Variants in RBPJ observed in about 807,000 individuals in gnomAD.
The protein encoded by RBPJ is recombining binding protein suppressor of hairless.
In RBPJ, 9 loss-of-function variants were observed where a neutral mutation model predicts 67.8. The observed-to-expected ratio is 0.13, with a 90% CI of 0.08 to 0.23. RBPJ has a LOEUF of 0.23. Among genes scored for constraint, RBPJ ranks in the 10% least tolerant of loss-of-function variants. The pLI is 1.00. For synonymous variants in RBPJ, 198 were observed against 203.3 expected (o/e 0.97, Z 0.22); for missense variants, 305 against 595.6 (o/e 0.51, Z 5.08).
chr4:26,364,781 A>G (rs1479530587), intron 1 of RBPJ, among the ~76,000 whole-genome samples: 1 of 151,812 alleles, frequency 6.6e-6, no homozygotes, highest in South Asian at 2.1e-4. Context: ...GCGAGCCACC[A>G]TGCCCAGCTA....
the RBPJ span, among the ~76,000 whole-genome samples, chr4:26,114,743 G>A: frequency 6.6e-6 from 1 of 151,942 alleles, no homozygotes; most frequent in Admixed American, 6.6e-5. Flanking sequence ...ATATATATGG[G>A]TGTATATGTA....
At chr4:26,111,187 G>T in the RBPJ span, among the ~76,000 whole-genome samples, 2 of 150,126 alleles carry the variant, frequency 1.3e-5, no homozygotes, top group African/African-American at 4.9e-5. Flanking sequence ...GTCAGAGAAA[G>T]GTGATTGGCC....
chr4:26,123,127 T>C, the RBPJ span, among the ~76,000 whole-genome samples: 1 of 152,166 alleles, frequency 6.6e-6, no homozygotes, highest in African/African-American at 2.4e-5. Flanking sequence ...TGTACTTATA[T>C]ACTAGTGTAC....
intron 1 of RBPJ, among the ~76,000 whole-genome samples, chr4:26,348,111 G>A (rs763207054): frequency 1.8e-4 from 28 of 151,944 alleles, no homozygotes; most frequent in Admixed American, 5.2e-4. Flanking sequence ...ACAGGCACAC[G>A]CTACCACGCC....
chr4:26,215,347 GA>G (rs746160310), intron 1 of RBPJ, among the ~76,000 whole-genome samples: 50,092 of 81,774 alleles, frequency 0.61, 16,100 homozygotes, highest in East Asian at 0.82. Flanking sequence ...GAGAAAGAAA[GA>G]AAAAAAGAAG....
chr4:26,224,795 T>C (rs1032292947), intron 1 of RBPJ, among the ~76,000 whole-genome samples: 23 of 152,186 alleles, frequency 1.5e-4, no homozygotes, highest in African/African-American at 4.8e-4. Flanking sequence ...GCTCAGTAAA[T>C]TGACAAACAG....
intron 1 of RBPJ, among the ~76,000 whole-genome samples, chr4:26,277,763 A>G (rs1721132280): frequency 6.6e-6 from 1 of 152,176 alleles, no homozygotes; most frequent in Non-Finnish European, 1.5e-5. Context: ...TCATGAGAGA[A>G]ATGCTCTCCT....
rs573843025 is a variant in RBPJ at position 26,383,804 on chromosome 4, T to C, written c.21-2549T>C. The C allele has an allele frequency of 3.3e-5, 5 of 152,354 alleles. No homozygotes were observed. The East Asian group carries it at 7.7e-4, about 23-fold the overall frequency. 9.4% of individuals were successfully genotyped at this position (152,354 alleles called of 1,614,324 possible). On this transcript the variant is annotated intron_variant, in intron 1 of 10. Transcript: ENST00000355476. ...TGGGTTGATCAGTAGTTCAGTGTTTTGAAATCTGTGTTCCTCAGCTACTTT... is the reference window on the plus strand; with the variant it reads ...TGGGTTGATCAGTAGTTCAGTGTTTCGAAATCTGTGTTCCTCAGCTACTTT...
At chr4:26,158,489 G>T (rs1373974750), upstream of RBPJ, among the ~76,000 whole-genome samples, 1 of 152,168 alleles carries the variant, frequency 6.6e-6, no homozygotes, top group Non-Finnish European at 1.5e-5. Context: ...CCCCTATGAA[G>T]AGCTTTACCC....
intron 1 of RBPJ, among the ~76,000 whole-genome samples, chr4:26,322,465 C>T (rs1162819349): frequency 6.6e-6 from 1 of 152,064 alleles, no homozygotes; most frequent in Non-Finnish European, 1.5e-5. Context: ...TTTATTTTTT[C>T]TTAATCATTA....
intron 1 of RBPJ, among the ~76,000 whole-genome samples, chr4:26,260,198 T>G (rs1720481296): frequency 6.6e-6 from 1 of 152,250 alleles, no homozygotes; most frequent in Non-Finnish European, 1.5e-5. Context: ...GACCTGTATG[T>G]TTAGAAGGGA....
At chr4:26,228,826 A>G (rs1482360423) in intron 1 of RBPJ, among the ~76,000 whole-genome samples, 1 of 152,198 alleles carries the variant, frequency 6.6e-6, no homozygotes, top group East Asian at 1.9e-4. Context: ...TTTCATTCAT[A>G]CAGAACTTGG....
chr4:26,339,906 C>T (rs555639555), intron 1 of RBPJ, among the ~76,000 whole-genome samples: 7 of 151,730 alleles, frequency 4.6e-5, no homozygotes, highest in Non-Finnish European at 8.8e-5. Context: ...GTAATACCAG[C>T]TACTTGGGAG....
At position 26,431,976 on chromosome 4, in the gene RBPJ, C is replaced by G. The variant is rs147388257; in HGVS notation, c.*969C>G. ...AGTGTTCTCTCCCCTTTTCCCATGA[C>G]GTAAATACATAGGTGTGTTCCAGGA... On this transcript the variant is annotated 3_prime_UTR_variant, in exon 11 of 11. Transcript: ENST00000355476. 1.8e-4 allele frequency: 27 copies of G among 152,286 alleles called. No individual in the cohort carries two copies. The highest frequency in any genetic ancestry group is 6.3e-4 in the African/African-American group (26 of 41,564). 9.4% of individuals were successfully genotyped at this position (152,286 alleles called of 1,614,324 possible).
At chr4:26,306,477 A>G (rs1486635872) in intron 1 of RBPJ, among the ~76,000 whole-genome samples, 1 of 134,598 alleles carries the variant, frequency 7.4e-6, no homozygotes, top group East Asian at 2.6e-4. Context: ...TTTGAGACAA[A>G]GTCACTCTGA....
chr4:26,305,946 A>AT (rs200890481), intron 1 of RBPJ, among the ~76,000 whole-genome samples: 24 of 146,996 alleles, frequency 1.6e-4, no homozygotes, highest in Non-Finnish European at 3.0e-4. Context: ...CCCTTGGCTA[A>AT]TTTTTTTTTT....
chr4:26,255,695 G>A (rs1168029874), intron 1 of RBPJ, among the ~76,000 whole-genome samples: 4 of 151,462 alleles, frequency 2.6e-5, no homozygotes, highest in South Asian at 2.1e-4. Flanking sequence ...CCAGCTACGC[G>A]GGAGGCTGAG....
intron 1 of RBPJ, among the ~76,000 whole-genome samples, chr4:26,336,484 T>TAAAACAAAAC (rs368735581): frequency 1.4e-4 from 22 of 151,836 alleles, no homozygotes; most frequent in Admixed American, 5.9e-4. Flanking sequence ...CCCCATCTCT[T>TAAAACAAAAC]AAAACAAAAC....
chr4:26,295,027 C>T (rs924349599), intron 1 of RBPJ, among the ~76,000 whole-genome samples: 1 of 152,118 alleles, frequency 6.6e-6, no homozygotes, highest in Non-Finnish European at 1.5e-5. Context: ...CAGGCTTTGC[C>T]CTTCTTAGGA....
Sources: gnomAD v4.1 joint callset for allele counts (sites outside exome capture counted in the v4.1 genomes callset) on GRCh38, gnomAD v4.1.1 for gene constraint, MANE v1.5 for transcripts, NCBI Gene and HGNC (gene_info 2026-07-23, HGNC 2026-07-21) for gene names.